KNTC1: variants seen among roughly 807,000 people sequenced by gnomAD.
The protein encoded by KNTC1 is kinetochore-associated protein 1.
Under a neutral mutation model 314.4 loss-of-function variants are expected in KNTC1, and 253 were observed. The ratio of observed to expected loss-of-function variants is 0.80; its 90% CI spans 0.73 to 0.89. The LOEUF (loss-of-function observed/expected upper bound fraction) is 0.89. Ranked by LOEUF, KNTC1 falls within the 40% of genes least tolerant of loss-of-function variation. KNTC1 has a pLI of 0.00. For missense variants in KNTC1, 2,475 were observed against 2,572.9 expected (o/e 0.96, Z 0.82); for synonymous variants, 901 against 901.4 (o/e 1.00, Z 0.01).
rs1437993253 is a variant in KNTC1 at position 122,575,905 on chromosome 12, T to C, written c.2586+6T>C. ...TCTTAAACAAGGAAATAATGGTAAG[T>C]ACACTCTTCGAAGAGTCTTTTTTCT... On this transcript the variant is annotated splice_donor_region_variant and intron_variant, in intron 29 of 63. Coordinates refer to ENST00000333479, the MANE Select transcript of KNTC1 (RefSeq NM_014708.6). The C allele has an allele frequency of 6.3e-7, 1 of 1,598,490 alleles. No homozygotes were observed. The highest frequency in any genetic ancestry group is 1.4e-5 in the African/African-American group (1 of 72,964).
chr12:122,608,551 G>A lies in KNTC1; in HGVS notation c.5497-833G>A, dbSNP rs1872770142. Reference sequence around the variant, plus strand: ...TGGAAACAGGAGTTAGAAACATCTTGGCCACGTAGAATATGTGGTTGACTT... The same window carrying A: ...TGGAAACAGGAGTTAGAAACATCTTAGCCACGTAGAATATGTGGTTGACTT... On this transcript the variant is annotated intron_variant, in intron 51 of 63. Transcript: ENST00000333479. Among the ~76,000 whole-genome samples the A allele has an allele frequency of 2.0e-5, 3 of 152,268 alleles. No homozygotes were observed. The East Asian group carries it at 5.8e-4, about 29-fold the overall frequency.
chr12:122,537,297 T>C (rs1961918792), intron 3 of KNTC1, among the ~76,000 whole-genome samples: 1 of 152,198 alleles, frequency 6.6e-6, no homozygotes, highest in Non-Finnish European at 1.5e-5. Flanking sequence ...GCTTTCTAAT[T>C]AACACTGCAA....
At chr12:122,590,125 A>T (rs1436872029) in intron 40 of KNTC1, among the ~76,000 whole-genome samples, 2 of 152,032 alleles carry the variant, frequency 1.3e-5, no homozygotes, top group African/African-American at 4.8e-5. Flanking sequence ...TTTCAGGAAA[A>T]TTTTAAGAAT....
intron 16 of KNTC1, among the ~76,000 whole-genome samples, chr12:122,552,619 C>A (rs1275553643): frequency 1.3e-5 from 2 of 152,178 alleles, no homozygotes; most frequent in African/African-American, 2.4e-5. Context: ...CTACCTTGGC[C>A]TCCCAAAGTT....
rs1869721806 is a variant in KNTC1 at position 122,588,719 on chromosome 12, G to A, written c.3902G>A (p.Gly1301Glu). The change falls in exon 40 of 64, where the codon GGA becomes GAA. Residue 1301 changes from glycine to glutamate, a missense_variant. By Grantham distance (98) the Gly-to-Glu change is moderately conservative. Transcript: ENST00000333479. ...MNATLSEKLFGETTLVKSRHV... is the reference protein window; with the variant it reads ...MNATLSEKLFEETTLVKSRHV... ...TTTCTTCTTTTCTAAAAGTTATTTG[G>A]AGAGACTACATTAGTTAAATCAAGG... 7 of 1,513,852 alleles carry A rather than the reference G, an allele frequency of 4.6e-6. No individual in the cohort carries two copies. Among genetic ancestry groups the A allele is most frequent in the Non-Finnish European group, 5.3e-6 (6 of 1,131,526 alleles). 93.8% of individuals were successfully genotyped at this position (1,513,852 alleles called of 1,614,324 possible).
At chr12:122,614,536 A>T (rs1296900103) in intron 55 of KNTC1, among the ~76,000 whole-genome samples, 1 of 152,100 alleles carries the variant, frequency 6.6e-6, no homozygotes, top group Non-Finnish European at 1.5e-5. Flanking sequence ...CTTTTTTGTC[A>T]TGTCTTTCAT....
chr12:122,547,361 G>A (rs1446007881), intron 10 of KNTC1, 54 bp from the exon 11 acceptor site: 15 of 1,162,842 alleles, frequency 1.3e-5, no homozygotes, highest in South Asian at 6.5e-5. Context: ...GGCGACAAGA[G>A]CAAAACTCTG....
At chr12:122,594,090 C>T (rs866523948) in intron 42 of KNTC1, 186 bp from the exon 43 acceptor site, 25 of 552,990 alleles carry the variant, frequency 4.5e-5, no homozygotes, top group Non-Finnish European at 7.1e-5. Flanking sequence ...AGAGGAGTTT[C>T]GGACCCATGT....
At position 122,539,769 on chromosome 12, in the gene KNTC1, A is replaced by AT. The variant is rs765425237; in HGVS notation, c.445+24dup. ...TTCAAATGAAGGTAAGTTTTCCTGA[A>AT]TTTTTTTTTGAATGACTTTTTTTTT... is the stretch of plus-strand genomic sequence containing the variant. On this transcript the variant is annotated intron_variant, in intron 5 of 63. Transcript: ENST00000333479. 379 of 1,417,118 alleles carry AT rather than the reference A, an allele frequency of 2.7e-4. No individual in the cohort carries two copies. The highest frequency in any genetic ancestry group is 4.4e-4 in the Admixed American group (17 of 38,916). The allele number at this position is 1,417,118 out of a possible 1,614,324, so 87.8% of individuals were successfully genotyped here. A position where few individuals can be genotyped will look rare whatever the true frequency, so the allele number is the denominator to read the frequency against.
intron 45 of KNTC1, among the ~76,000 whole-genome samples, chr12:122,602,122 ATAT>A (rs1230773398): frequency 6.6e-6 from 1 of 151,702 alleles, no homozygotes; most frequent in African/African-American, 2.4e-5. Flanking sequence ...AAATATTTTA[ATAT>A]TATGTTAATA....
intron 60 of KNTC1, among the ~76,000 whole-genome samples, chr12:122,621,178 G>A (rs1014545010): frequency 3.9e-5 from 6 of 152,110 alleles, no homozygotes; most frequent in Admixed American, 2.6e-4. Context: ...ATCAGAAGGA[G>A]CCACAAGCAT....
chr12:122,585,420 C>T (rs977961971), intron 36 of KNTC1, among the ~76,000 whole-genome samples: 1 of 152,138 alleles, frequency 6.6e-6, no homozygotes, highest in African/African-American at 2.4e-5. Flanking sequence ...CGGAAAACAA[C>T]GTAAGGGCAT....
chr12:122,615,387 TG>T, intron 56 of KNTC1, 82 bp from the exon 57 acceptor site: 1 of 1,188,030 alleles, frequency 8.4e-7, no homozygotes, highest in Non-Finnish European at 1.2e-6. Flanking sequence ...GTACTTCTTC[TG>T]GAACTTTAAC....
chr12:122,569,726 C>T lies in KNTC1; in HGVS notation c.1762C>T (p.Leu588Phe), dbSNP rs1266088544. ...TGATGTGAAAATGCTGGAGAGCTTG[C>T]TCAACTCAATGTCTGCATCAGTCTC... ...RFDVKMLESL[L>F]NSMSASVSLQ... is the part of the protein sequence containing the mutation. The change falls in exon 22 of 64, where the codon CTC (leucine) becomes TTC (phenylalanine). Residue 588 changes from leucine (L) to phenylalanine (F), a missense_variant. Transcript: ENST00000333479. The T allele has an allele frequency of 1.9e-6, 3 of 1,613,550 alleles. No homozygotes were observed. Among genetic ancestry groups the T allele is most frequent in the African/African-American group, 1.3e-5 (1 of 75,026 alleles).
intron 51 of KNTC1, among the ~76,000 whole-genome samples, chr12:122,608,173 G>T (rs1208718675): frequency 1.3e-5 from 2 of 152,148 alleles, no homozygotes; most frequent in African/African-American, 4.8e-5. Context: ...GCAGTGGCAT[G>T]ATCTCAGTTC....
intron 5 of KNTC1, among the ~76,000 whole-genome samples, chr12:122,541,806 G>T (rs1257845221): frequency 6.6e-6 from 1 of 150,958 alleles, no homozygotes; most frequent in Admixed American, 6.6e-5. Context: ...AGATCATGAG[G>T]TCAAGAGATC....
intron 62 of KNTC1, among the ~76,000 whole-genome samples, chr12:122,624,384 TC>T (rs1202545134): frequency 6.6e-6 from 1 of 152,154 alleles, no homozygotes; most frequent in Admixed American, 6.6e-5. Context: ...TCCTCCTACC[TC>T]AGTCTCCAGA....
chr12:122,536,069 ATTT>A (rs753893106), intron 3 of KNTC1, among the ~76,000 whole-genome samples: 2 of 118,572 alleles, frequency 1.7e-5, no homozygotes, highest in Non-Finnish European at 1.8e-5. Flanking sequence ...AATTTTTTGT[ATTT>A]TTTTTTTTTT....
intron 55 of KNTC1, 57 bp downstream of exon 55, chr12:122,613,818 A>G: frequency 6.7e-7 from 1 of 1,490,164 alleles, no homozygotes. Context: ...GAATCCTGAA[A>G]GAGAAAACCA....
Sources: allele counts gnomAD v4.1 joint callset (sites outside exome capture counted in the v4.1 genomes callset), GRCh38; gene constraint gnomAD v4.1.1; transcripts MANE v1.5; gene names NCBI Gene and HGNC (gene_info 2026-07-23, HGNC 2026-07-21).